MCU: variants seen among roughly 807,000 people sequenced by gnomAD.
MCU encodes the protein mitochondrial calcium uniporter.
In MCU, 12 loss-of-function variants were observed where a neutral mutation model predicts 45.2. The ratio of observed to expected loss-of-function variants is 0.27; its 90% confidence interval spans 0.17 to 0.43. The LOEUF is 0.43. MCU is among the 20% of genes least tolerant of loss of function. MCU has a pLI of 1.00. For synonymous variants in MCU, 160 were observed against 165.1 expected, an observed-to-expected ratio of 0.97 and a Z score of 0.24; for missense variants, 324 against 436.7, an observed-to-expected ratio of 0.74 and a Z score of 2.30.
At chr10:72,870,771 G>A (rs1006794349) in intron 5 of MCU, among the ~76,000 whole-genome samples, 1 of 152,176 alleles carries the variant, frequency 6.6e-6, no homozygotes, top group Non-Finnish European at 1.5e-5. Flanking sequence ...AGGTAGGTGT[G>A]CATTTCCCTC....
intron 1 of MCU, among the ~76,000 whole-genome samples, chr10:72,833,816 G>A (rs1389083083): frequency 2.0e-5 from 3 of 152,284 alleles, no homozygotes; most frequent in Admixed American, 6.5e-5. Flanking sequence ...ACACTCTGAA[G>A]CGGTCGTGAT....
chr10:72,744,306 T>G (rs1843379889), intron 1 of MCU, among the ~76,000 whole-genome samples: 2 of 151,982 alleles, frequency 1.3e-5, no homozygotes, highest in African/African-American at 4.8e-5. Context: ...CTATTCCTAC[T>G]TAGTGACAGA....
intron 1 of MCU, among the ~76,000 whole-genome samples, chr10:72,731,513 G>T (rs185821715): frequency 1.2e-4 from 18 of 151,956 alleles, no homozygotes; most frequent in Admixed American, 1.3e-4. Flanking sequence ...TGGTTTTAAG[G>T]TAGTCACAGG....
At chr10:72,779,689 C>T (rs1270577543) in intron 1 of MCU, among the ~76,000 whole-genome samples, 1 of 152,112 alleles carries the variant, frequency 6.6e-6, no homozygotes, top group Non-Finnish European at 1.5e-5. Context: ...TGCTCAACAT[C>T]ATTAGTCATT....
intron 1 of MCU, chr10:72,712,509 T>C (rs1265749809): frequency 6.6e-6 from 1 of 152,190 alleles, no homozygotes; most frequent in Non-Finnish European, 1.5e-5. Flanking sequence ...CATTAATTCA[T>C]TGTTTCTTTT....
chr10:72,731,236 CT>C (rs1245815382), intron 1 of MCU: 11 of 152,082 alleles, frequency 7.2e-5, no homozygotes, highest in Non-Finnish European at 1.5e-4. Context: ...CTGCCTTATT[CT>C]TTTTAAGTGG....
chr10:72,810,960 A>G (rs563400053), intron 1 of MCU, among the ~76,000 whole-genome samples: 1 of 152,338 alleles, frequency 6.6e-6, no homozygotes, highest in East Asian at 1.9e-4. Context: ...GAGATAGTAG[A>G]GAAAGGACAA....
intron 1 of MCU, among the ~76,000 whole-genome samples, chr10:72,793,935 G>C (rs1037167311): frequency 2.0e-5 from 3 of 152,106 alleles, no homozygotes; most frequent in Non-Finnish European, 4.4e-5. Flanking sequence ...ATGTGAGATG[G>C]GATGTATTGT....
chr10:72,716,583 A>G (rs900387309), intron 1 of MCU, among the ~76,000 whole-genome samples: 3 of 151,828 alleles, frequency 2.0e-5, no homozygotes, highest in Non-Finnish European at 4.4e-5. Flanking sequence ...CTATTATTGG[A>G]TTCTCTAAAG....
intron 1 of MCU, among the ~76,000 whole-genome samples, chr10:72,773,061 G>C (rs1469588485): frequency 6.6e-6 from 1 of 152,050 alleles, no homozygotes; most frequent in Non-Finnish European, 1.5e-5. Context: ...ACAACACCTG[G>C]CTAATTTTTG....
At chr10:72,780,949 C>G (rs536591531) in intron 1 of MCU, among the ~76,000 whole-genome samples, 1 of 152,052 alleles carries the variant, frequency 6.6e-6, no homozygotes, top group Non-Finnish European at 1.5e-5. Flanking sequence ...TTGTGATACC[C>G]GTTTAGTTGG....
chr10:72,817,547 A>C (rs1054238032), intron 1 of MCU, among the ~76,000 whole-genome samples: 5 of 152,224 alleles, frequency 3.3e-5, no homozygotes, highest in Non-Finnish European at 7.3e-5. Flanking sequence ...AGTGGTTACT[A>C]TAAATGAGCA....
chr10:72,710,543 G>GT (rs555887994), intron 1 of MCU, among the ~76,000 whole-genome samples: 5,277 of 84,276 alleles, frequency 0.063, 670 homozygotes, highest in African/African-American at 0.15. Flanking sequence ...ATCACCTAAG[G>GT]TTTTTTTTTT....
chr10:72,749,566 T>C (rs1277127520), intron 1 of MCU, among the ~76,000 whole-genome samples: 1 of 152,176 alleles, frequency 6.6e-6, no homozygotes, highest in Admixed American at 6.5e-5. Context: ...TTCTATGTCT[T>C]GGTGATAGAT....
chr10:72,692,866 C>T (rs1183880469), intron 1 of MCU: 14 of 1,436,606 alleles, frequency 9.7e-6, no homozygotes, highest in South Asian at 1.5e-5. Flanking sequence ...AAACTTTATT[C>T]CCCTCTGTGA....
chr10:72,851,774 C>A (rs113008593), intron 2 of MCU, among the ~76,000 whole-genome samples: 6 of 152,224 alleles, frequency 3.9e-5, no homozygotes, highest in African/African-American at 1.2e-4. Context: ...CAGCCTCCTC[C>A]CATCTTCCTA....
At chr10:72,790,098 A>G (rs1844136146) in intron 1 of MCU, among the ~76,000 whole-genome samples, 1 of 152,202 alleles carries the variant, frequency 6.6e-6, no homozygotes, top group East Asian at 1.9e-4. Flanking sequence ...GTTCTATGCC[A>G]TGCACATCAT....
intron 6 of MCU, among the ~76,000 whole-genome samples, chr10:72,875,666 T>C (rs1317107767): frequency 1.3e-5 from 2 of 152,258 alleles, no homozygotes; most frequent in Admixed American, 6.5e-5. Flanking sequence ...GTTAACAGTC[T>C]AAATATATCC....
Position 72,859,256 on chromosome 10 carries a change from A to C in MCU, c.300A>C (p.Thr100=), listed in dbSNP as rs983281907. 3.7e-6 allele frequency: 6 copies of C among 1,613,522 alleles called. No individual in the cohort carries two copies. The highest frequency in any genetic ancestry group is 2.2e-5 in the South Asian group (2 of 90,992). ...CCCGGCGTGAACGCTGTCAGTTCAC[A>C]CTCAAGCCTATCTCTGACTCTGTTG... ...LPSRRERCQF[T]LKPISDSVGV... is the part of the protein sequence containing the mutation. Residue 100 remains threonine, a synonymous_variant, in exon 3 of 8, where the codon ACA becomes ACC. Transcript: ENST00000373053.
Sources: gnomAD v4.1 joint callset for allele counts (sites outside exome capture counted in the v4.1 genomes callset) on GRCh38, gnomAD v4.1.1 for gene constraint, MANE v1.5 for transcripts, NCBI Gene and HGNC (gene_info 2026-07-23, HGNC 2026-07-21) for gene names.